The following FCN2 variants were observed in gnomAD, a reference collection of about 807,000 sequenced individuals.
The protein encoded by FCN2 is ficolin 2, also known as ficolin-2.
FCN2 carries 31 observed loss-of-function variants against 32.5 expected under a neutral mutation model. The ratio of observed to expected loss-of-function variants is 0.96; its 90% CI spans 0.72 to 1.29. The LOEUF (loss-of-function observed/expected upper bound fraction) is 1.29. Ranked by LOEUF, FCN2 falls within the 50% of genes most tolerant of loss-of-function variation. The pLI is 0.00. For missense variants in FCN2, 412 were observed against 406.5 expected (o/e 1.01, Z -0.12); for synonymous variants, 181 against 164.5 (o/e 1.10, Z -0.77).
At chr9:134,869,357 A>G in the FCN2 span, among the ~76,000 whole-genome samples, 1 of 152,362 alleles carries the variant, frequency 6.6e-6, no homozygotes, top group Non-Finnish European at 1.5e-5. Flanking sequence ...GGAATTAGCC[A>G]GAAAGCTGAG....
At chr9:134,876,189 G>T (rs558123721), upstream of FCN2, among the ~76,000 whole-genome samples, 103 of 152,268 alleles carry the variant, frequency 6.8e-4, no homozygotes, top group African/African-American at 2.4e-3. Context: ...GCTTAAAATT[G>T]TGGTATCTAT....
At chr9:134,874,192 A>G in the FCN2 span, among the ~76,000 whole-genome samples, 1 of 152,200 alleles carries the variant, frequency 6.6e-6, no homozygotes, top group Non-Finnish European at 1.5e-5. Context: ...CTGGGAGTAC[A>G]GTTAGGAGCC....
At chr9:134,873,833 A>G in the FCN2 span, among the ~76,000 whole-genome samples, 1 of 150,076 alleles carries the variant, frequency 6.7e-6, no homozygotes, top group South Asian at 2.1e-4. Flanking sequence ...CTTTCTTTTT[A>G]TTCCCTTAAC....
At chr9:134,875,272 G>A in the FCN2 span, among the ~76,000 whole-genome samples, 1 of 152,286 alleles carries the variant, frequency 6.6e-6, no homozygotes, top group East Asian at 1.9e-4. Context: ...TGTTCTAATT[G>A]CATTCATTCA....
At chr9:134,870,024 C>A in the FCN2 span, among the ~76,000 whole-genome samples, 2 of 152,332 alleles carry the variant, frequency 1.3e-5, no homozygotes, top group African/African-American at 4.8e-5. This position sits in a 1 kb window ranked among gnomAD's most constrained non-coding sequence, Gnocchi z 4.3. Context: ...TGAATCGGAT[C>A]CGACTCTGGT....
At chr9:134,873,795 G>A in the FCN2 span, among the ~76,000 whole-genome samples, 1 of 152,162 alleles carries the variant, frequency 6.6e-6, no homozygotes, top group Admixed American at 6.5e-5. Context: ...ATAAAACAGA[G>A]CTGCTGGGAT....
intron 6 of FCN2, 54 bp from the exon 7 acceptor site, chr9:134,886,376 A>G: frequency 6.2e-7 from 1 of 1,609,630 alleles, no homozygotes; most frequent in Non-Finnish European, 8.5e-7. Context: ...CCCAGCTCCC[A>G]TGTCTAAAGG....
chr9:134,869,609 G>C, the FCN2 span, among the ~76,000 whole-genome samples: 1 of 152,198 alleles, frequency 6.6e-6, no homozygotes, highest in Admixed American at 6.5e-5. Flanking sequence ...TAGTCTCTCC[G>C]AGGCTTCCTT....
the FCN2 span, chr9:134,868,104 C>G: frequency 5.9e-5 from 9 of 152,478 alleles, no homozygotes; most frequent in East Asian, 1.5e-3. The surrounding 1 kb of genome is among the most constrained non-coding windows in gnomAD (Gnocchi z 4.3). Context: ...AACGCCAGGT[C>G]TCTGCCCCTC....
the FCN2 span, among the ~76,000 whole-genome samples, chr9:134,868,740 T>C: frequency 5.2e-3 from 799 of 152,266 alleles, 6 homozygotes; most frequent in Non-Finnish European, 6.4e-3. This position sits in a 1 kb window ranked among gnomAD's most constrained non-coding sequence, Gnocchi z 4.3. Context: ...TCACAGACAA[T>C]GGTGGGATGC....
Position 134,886,563 on chromosome 9 carries a change from G to A in FCN2, c.693G>A (p.Ala231=), listed in dbSNP as rs373379843. The change falls in exon 7 of 8, where the codon GCG becomes GCA. Residue 231 remains alanine (A), a splice_region_variant and synonymous_variant. Coordinates refer to ENST00000291744, the MANE Select transcript of FCN2 (RefSeq NM_004108.3). ...TGGGGGCCTTCGTGGAGGGCAGTGCGGGTGAGTGTCTGCTTGGGGCTGTGT... is the reference window on the plus strand; with the variant it reads ...TGGGGGCCTTCGTGGAGGGCAGTGCAGGTGAGTGTCTGCTTGGGGCTGTGT... ...LVLGAFVEGS[A]GDSLTFHNNQ... is the part of the protein sequence containing the mutation. 9.3e-6 allele frequency: 15 copies of A among 1,613,928 alleles called. No individual in the cohort carries two copies. Among genetic ancestry groups the A allele is most frequent in the Middle Eastern group, 1.6e-4 (1 of 6,082 alleles).
rs202023314 is a variant in FCN2, at chr9:134,886,416, C to A, written c.560-14C>A. On this transcript the variant is annotated splice_polypyrimidine_tract_variant and intron_variant, in intron 6 of 7. Coordinates refer to ENST00000291744, the MANE Select transcript of FCN2 (RefSeq NM_004108.3). The stretch of plus-strand genomic sequence containing the variant: ...GAGCCCTTCCGCTGAGACCCTGAAA[C>A]CTTTCTCTAACAGGAACCAGCGAGC... 5 of 1,614,168 alleles carry A rather than the reference C, an allele frequency of 3.1e-6. No homozygotes were observed. Among genetic ancestry groups the A allele is most frequent in the South Asian group, 1.1e-5 (1 of 91,086 alleles).
chr9:134,867,775 C>T, the FCN2 span, among the ~76,000 whole-genome samples: 1 of 152,094 alleles, frequency 6.6e-6, no homozygotes, highest in African/African-American at 2.4e-5. Flanking sequence ...TAGAAAGCCC[C>T]TTCCAGCCCC....
At chr9:134,869,942 G>T in the FCN2 span, among the ~76,000 whole-genome samples, 3 of 152,276 alleles carry the variant, frequency 2.0e-5, no homozygotes, top group East Asian at 1.9e-4. Flanking sequence ...CTGCAGGAGG[G>T]GGGGGCCCAC....
intron 1 of FCN2, among the ~76,000 whole-genome samples, chr9:134,882,136 A>G (rs1388622820): frequency 6.6e-6 from 1 of 152,224 alleles, no homozygotes; most frequent in Non-Finnish European, 1.5e-5. Context: ...TGCTGTCTTA[A>G]ATGGTAGGAG....
chr9:134,877,671 G>A (rs1399254018), upstream of FCN2, among the ~76,000 whole-genome samples: 1 of 152,210 alleles, frequency 6.6e-6, no homozygotes, highest in African/African-American at 2.4e-5. Context: ...TGGCCTTTGT[G>A]AGATGGTGGT....
chr9:134,864,936 G>A, the FCN2 span, among the ~76,000 whole-genome samples: 1 of 152,202 alleles, frequency 6.6e-6, no homozygotes, highest in Non-Finnish European at 1.5e-5. Flanking sequence ...CAGCAGGGCC[G>A]TCTCCCCGGG....
At chr9:134,874,103 A>G in the FCN2 span, among the ~76,000 whole-genome samples, 4 of 151,962 alleles carry the variant, frequency 2.6e-5, no homozygotes, top group African/African-American at 9.7e-5. Context: ...TTAAATAGAG[A>G]CAGGGTTTCA....
At chr9:134,870,278 C>T in the FCN2 span, among the ~76,000 whole-genome samples, 33,691 of 152,196 alleles carry the variant, frequency 0.22, 5,326 homozygotes, top group African/African-American at 0.44. This position sits in a 1 kb window ranked among gnomAD's most constrained non-coding sequence, Gnocchi z 4.3. Flanking sequence ...CCCACGGTTC[C>T]GACTCCGCTG....
Sources: allele counts gnomAD v4.1 joint callset (sites outside exome capture counted in the v4.1 genomes callset), GRCh38; gene constraint gnomAD v4.1.1; non-coding constraint Gnocchi (gnomAD v3.1); transcripts MANE v1.5; gene names NCBI Gene and HGNC (gene_info 2026-07-23, HGNC 2026-07-21).